PAPPA: variants seen among roughly 807,000 people sequenced by gnomAD.
PAPPA encodes the protein pappalysin 1.
In PAPPA, 60 loss-of-function variants were observed where a neutral mutation model predicts 164.0. That is an observed-to-expected ratio of 0.37 (90% confidence interval 0.30 to 0.45). The LOEUF is 0.45. Among genes scored for constraint, PAPPA ranks in the 20% least tolerant of loss-of-function variants. The probability of loss-of-function intolerance (pLI) is 1.00; values close to 1 mark genes in which losing one functional copy is unlikely to be tolerated. For missense variants in PAPPA, 1,782 were observed against 2,087.3 expected (o/e 0.85, Z 2.85); for synonymous variants, 875 against 814.1 (o/e 1.07, Z -1.27).
intron 10 of PAPPA, among the ~76,000 whole-genome samples, chr9:116,307,079 A>G (rs1050810557): frequency 6.6e-6 from 1 of 152,222 alleles, no homozygotes; most frequent in Non-Finnish European, 1.5e-5. Flanking sequence ...GTGCCTTGTG[A>G]TATAAGAAGT....
At chr9:116,206,035 C>T (rs1299402756) in intron 2 of PAPPA, among the ~76,000 whole-genome samples, 1 of 152,174 alleles carries the variant, frequency 6.6e-6, no homozygotes, top group Non-Finnish European at 1.5e-5. Flanking sequence ...TTGGCTGTCT[C>T]CTTCCTCGTT....
At chr9:116,178,559 T>G (rs961985377) in intron 1 of PAPPA, among the ~76,000 whole-genome samples, 15 of 152,232 alleles carry the variant, frequency 9.9e-5, no homozygotes, top group Admixed American at 9.2e-4. Flanking sequence ...ATGAGGAAAC[T>G]ATCAAGGAGA....
chr9:116,362,456 C>A, intron 17 of PAPPA, 136 bp from the exon 18 acceptor site: 2 of 881,126 alleles, frequency 2.3e-6, no homozygotes, highest in Non-Finnish European at 1.7e-6. Context: ...TGAGTTTCAA[C>A]CATTGTTAAG....
In PAPPA at chr9:116,324,148, C is replaced by T. The variant is rs538980439; in HGVS notation, c.3148-7096C>T. Among the ~76,000 whole-genome samples the T allele has an allele frequency of 7.6e-4, 116 of 152,338 alleles. 1 individual carries two copies. Among genetic ancestry groups the T allele is most frequent in the African/African-American group, 2.7e-3 (114 of 41,582 alleles). ...ATTCTCTTATTTAAAAATCTCATCA[C>T]AGCCCTGAGAGACATGTGGGCAGGC... is the stretch of plus-strand genomic sequence containing the variant. On this transcript the variant is annotated intron_variant, in intron 10 of 21. Coordinates refer to ENST00000328252, the MANE Select transcript of PAPPA (RefSeq NM_002581.5).
chr9:116,322,636 A>G (rs71505572), intron 10 of PAPPA, among the ~76,000 whole-genome samples: 97 of 152,230 alleles, frequency 6.4e-4, no homozygotes, highest in Non-Finnish European at 1.2e-3. Context: ...CAGGACCCTT[A>G]AGAATCTTGG....
intron 9 of PAPPA, among the ~76,000 whole-genome samples, chr9:116,295,533 A>C (rs1359925241): frequency 1.3e-5 from 2 of 149,128 alleles, no homozygotes; most frequent in Non-Finnish European, 3.0e-5. Flanking sequence ...CAGCCTGGGC[A>C]ACAGAGCGAG....
chr9:116,352,296 T>C (rs2118592208), intron 15 of PAPPA, among the ~76,000 whole-genome samples: 1 of 152,330 alleles, frequency 6.6e-6, no homozygotes, highest in East Asian at 1.9e-4. Flanking sequence ...CACTCACTGA[T>C]ATCAGAATTT....
chr9:116,246,667 A>G (rs1372723570), intron 7 of PAPPA, among the ~76,000 whole-genome samples: 2 of 152,130 alleles, frequency 1.3e-5, no homozygotes, highest in African/African-American at 4.8e-5. Context: ...CTCAGAAATG[A>G]TCAGAGTCTA....
intron 9 of PAPPA, among the ~76,000 whole-genome samples, chr9:116,276,618 C>T (rs991197893): frequency 2.6e-5 from 4 of 152,168 alleles, no homozygotes; most frequent in South Asian, 2.1e-4. Flanking sequence ...TCCTGCCTGA[C>T]GCTGATATAT....
intron 1 of PAPPA, among the ~76,000 whole-genome samples, chr9:116,177,053 A>G (rs1843845118): frequency 6.6e-6 from 1 of 150,422 alleles, no homozygotes; most frequent in Non-Finnish European, 1.5e-5. Context: ...TTCTGAGCTT[A>G]TTAGAAACAG....
At chr9:116,233,804 T>G (rs899893139) in intron 6 of PAPPA, among the ~76,000 whole-genome samples, 1 of 152,194 alleles carries the variant, frequency 6.6e-6, no homozygotes, top group Admixed American at 6.5e-5. Context: ...CAAAGCGTTT[T>G]TAAGCAAAGA....
At chr9:116,346,631 C>T (rs1395994454) in intron 14 of PAPPA, among the ~76,000 whole-genome samples, 3 of 152,186 alleles carry the variant, frequency 2.0e-5, no homozygotes, top group Non-Finnish European at 2.9e-5. Context: ...AACTGTATTT[C>T]ACAGTCTGTT....
intron 8 of PAPPA, among the ~76,000 whole-genome samples, chr9:116,267,849 T>C (rs1445867781): frequency 1.7e-5 from 2 of 120,984 alleles, no homozygotes; most frequent in Non-Finnish European, 3.1e-5. Context: ...CAGTCTGCAG[T>C]CCGGCCTGGG....
intron 17 of PAPPA, among the ~76,000 whole-genome samples, chr9:116,356,893 T>C (rs1453718845): frequency 1.3e-5 from 2 of 152,202 alleles, no homozygotes; most frequent in Admixed American, 6.5e-5. Context: ...CAAACCACCA[T>C]GGCACCTGTA....
chr9:116,180,800 G>A (rs900193070), intron 1 of PAPPA, among the ~76,000 whole-genome samples: 1 of 152,178 alleles, frequency 6.6e-6, no homozygotes, highest in Non-Finnish European at 1.5e-5. Flanking sequence ...AGCATAGCTA[G>A]AGTCCCCCTC....
intron 18 of PAPPA, among the ~76,000 whole-genome samples, chr9:116,364,816 A>G (rs1017813254): frequency 6.6e-6 from 1 of 152,198 alleles, no homozygotes; most frequent in Non-Finnish European, 1.5e-5. Flanking sequence ...TCATGGTCAA[A>G]GCAGAAAGGG....
chr9:116,375,940 C>T (rs918213509), intron 19 of PAPPA, among the ~76,000 whole-genome samples: 3 of 152,024 alleles, frequency 2.0e-5, no homozygotes, highest in Non-Finnish European at 4.4e-5. Flanking sequence ...TATTTTATTT[C>T]ATTTTATTCT....
rs182845147 is a variant in PAPPA at position 116,280,361 on chromosome 9, C to T, written c.2953+8945C>T. Among the ~76,000 whole-genome samples the T allele has an allele frequency of 3.1e-3, 477 of 152,204 alleles. 2 individuals are homozygous for T. Among genetic ancestry groups the T allele is most frequent in the Non-Finnish European group, 4.7e-3 (320 of 68,008 alleles). On this transcript the variant is annotated intron_variant, in intron 9 of 21. Coordinates refer to ENST00000328252, the MANE Select transcript of PAPPA (RefSeq NM_002581.5). ...ACATTGAGGGGGTCAAGGAGATCTC[C>T]TTGAAGATTTGACATTTAAGCTGAG...
intron 17 of PAPPA, among the ~76,000 whole-genome samples, chr9:116,356,195 TG>T (rs1323971092): frequency 5.3e-5 from 8 of 152,254 alleles, no homozygotes; most frequent in African/African-American, 1.7e-4. Context: ...ATCTGTAGTT[TG>T]AGTTCAAATC....
Sources: allele counts gnomAD v4.1 joint callset (sites outside exome capture counted in the v4.1 genomes callset), GRCh38; gene constraint gnomAD v4.1.1; transcripts MANE v1.5; gene names NCBI Gene and HGNC (gene_info 2026-07-23, HGNC 2026-07-21).